FASTKD5: variants seen among roughly 807,000 people sequenced by gnomAD.
FASTKD5 encodes non-canonical pre-mRNAs endonuclease FASTKD5, mitochondrial.
FASTKD5 carries 30 observed loss-of-function variants against 44.0 expected under a neutral mutation model. That is an observed-to-expected ratio of 0.68 (90% CI 0.51 to 0.93). The LOEUF (loss-of-function observed/expected upper bound fraction) is 0.93, where lower values mean the gene tolerates loss of function less well. Ranked by LOEUF, FASTKD5 falls within the 40% of genes least tolerant of loss-of-function variation. The pLI, the probability that FASTKD5 is intolerant of heterozygous loss-of-function variation, is 0.00. For missense variants in FASTKD5, 868 were observed against 908.2 expected, an observed-to-expected ratio of 0.96 and a Z score of 0.57; for synonymous variants, 335 against 342.2, an observed-to-expected ratio of 0.98 and a Z score of 0.23.
In FASTKD5 at chr20:3,146,912, A is replaced by G; in HGVS notation, c.2159T>C (p.Met720Thr). ...GSRDLLGLHN[M>T]KRRQLARLGY... ...AAGCCGAGCCAGCTGCCGCCTCTTC[A>G]TATTGTGCAGTCCAAGGAGATCCCT... Residue 720 changes from methionine to threonine, a missense_variant, in exon 2 of 2, where the codon ATG (methionine) becomes ACG (threonine). By Grantham distance (81) the Met-to-Thr change is moderately conservative. Coordinates refer to ENST00000380266, the MANE Select transcript of FASTKD5 (RefSeq NM_021826.5). 1 of 1,614,184 alleles carries G rather than the reference A, an allele frequency of 6.2e-7. No individual in the cohort carries two copies. The highest frequency in any genetic ancestry group is 8.5e-7 in the Non-Finnish European group (1 of 1,180,020).
intron 1 of FASTKD5, among the ~76,000 whole-genome samples, chr20:3,158,561 C>T (rs1345972778): frequency 6.6e-6 from 1 of 152,166 alleles, no homozygotes; most frequent in Non-Finnish European, 1.5e-5. Context: ...GCACACTCCG[C>T]CTCCCGGGGT....
rs777877253 is a variant in FASTKD5, at chr20:3,147,233, A to T, written c.1838T>A (p.Val613Glu). The change falls in exon 2 of 2, where the codon GTA (valine) becomes GAA (glutamate). Residue 613 changes from valine (V) to glutamate (E), a missense_variant. Val to Glu is a moderately radical substitution (Grantham distance 121). Transcript: ENST00000380266. The stretch of plus-strand genomic sequence containing the variant: ...CACATGCTCAAGCCTTAATTTGGCT[A>T]CATTTTCAGCCGGCGTGGCTTCTCT... Reference protein sequence around the residue: ...FNREATPAENVAKLRLEHVGV... With the variant: ...FNREATPAENEAKLRLEHVGV... 2.5e-6 allele frequency: 4 copies of T among 1,614,224 alleles called. No homozygotes were observed. The South Asian group carries it at 4.4e-5, about 18-fold the overall frequency.
chr20:3,156,511 TG>T (rs2066687504), intron 1 of FASTKD5, among the ~76,000 whole-genome samples: 1 of 152,064 alleles, frequency 6.6e-6, no homozygotes, highest in East Asian at 1.9e-4. Flanking sequence ...ATACCTGATA[TG>T]ATTTCACAAA....
Position 3,146,879 on chromosome 20 carries a change from C to T in FASTKD5, c.2192G>A (p.Arg731His), listed in dbSNP as rs774827406. ...TTCCCAGTAGGATAACTCTACCACA[C>T]GGTAGCCAAGCCGAGCCAGCTGCCG... ...KRRQLARLGY[R>H]VVELSYWEWL... Residue 731 changes from arginine to histidine, a missense_variant, in exon 2 of 2, where the codon CGT becomes CAT. Physicochemically the swap from Arg to His is conservative, Grantham distance 29. Coordinates refer to ENST00000380266, the MANE Select transcript of FASTKD5 (RefSeq NM_021826.5). The T allele has an allele frequency of 7.4e-6, 12 of 1,614,060 alleles. No homozygotes were observed. The highest frequency in any genetic ancestry group is 1.6e-4 in the Middle Eastern group (1 of 6,082).
chr20:3,147,969 C>T lies in FASTKD5; in HGVS notation c.1102G>A (p.Val368Met), dbSNP rs149209962. Residue 368 changes from valine (V) to methionine (M), a missense_variant, in exon 2 of 2, where the codon GTG becomes ATG. By Grantham distance (21) the Val-to-Met change is conservative. Coordinates refer to ENST00000380266, the MANE Select transcript of FASTKD5 (RefSeq NM_021826.5). ...NIVKMFRFTH[V>M]DHINFMKQIG... ...TGCTTCATGAAATTGATGTGATCCA[C>T]GTGAGTGAAACGGAACATTTTAACA... is the stretch of plus-strand genomic sequence containing the variant. 53 of 1,614,178 alleles carry T rather than the reference C, an allele frequency of 3.3e-5. No homozygotes were observed. In the African/African-American group the frequency reaches 5.5e-4, roughly 17 times the overall value.
At chr20:3,156,013 T>A (rs1188572463) in intron 1 of FASTKD5, among the ~76,000 whole-genome samples, 1 of 151,846 alleles carries the variant, frequency 6.6e-6, no homozygotes, top group African/African-American at 2.4e-5. Context: ...AGAAGAACAG[T>A]AGGGAGAAAA....
At chr20:3,153,763 T>C (rs2066656395) in intron 1 of FASTKD5, among the ~76,000 whole-genome samples, 1 of 152,232 alleles carries the variant, frequency 6.6e-6, no homozygotes, top group Admixed American at 6.5e-5. Flanking sequence ...GAGTATCCCT[T>C]GTCCAAAATG....
Position 3,146,874 on chromosome 20 carries a change from C to A in FASTKD5, c.2197G>T (p.Val733Leu), listed in dbSNP as rs769077588. 2.5e-6 allele frequency: 4 copies of A among 1,614,210 alleles called. No homozygotes were observed. Among genetic ancestry groups the A allele is most frequent in the Admixed American group, 1.7e-5 (1 of 60,026 alleles). ...RQLARLGYRV[V>L]ELSYWEWLPL... ...AGCCATTCCCAGTAGGATAACTCTA[C>A]CACACGGTAGCCAAGCCGAGCCAGC... Residue 733 changes from valine (V) to leucine (L), a missense_variant, in exon 2 of 2, where the codon GTA becomes TTA. Coordinates refer to ENST00000380266, the MANE Select transcript of FASTKD5 (RefSeq NM_021826.5).
In FASTKD5 at chr20:3,149,914, G is replaced by A. The variant is rs972856494; in HGVS notation, c.-190-654C>T. Among the ~76,000 whole-genome samples the A allele has an allele frequency of 3.3e-5, 5 of 151,852 alleles. No individual in the cohort carries two copies. The highest frequency in any genetic ancestry group is 2.6e-4 in the Admixed American group (4 of 15,260). ...CACACCTGTAATCCCAGCTACTCAG[G>A]AGGCTGAGGCAGGAGAATCCCTTGA... is the stretch of plus-strand genomic sequence containing the variant. On this transcript the variant is annotated intron_variant, in intron 1 of 1. Transcript: ENST00000380266. The surrounding 1 kb of genome is among the most constrained non-coding windows in gnomAD (Gnocchi z 4.1).
chr20:3,151,650 A>G (rs2066626254), intron 1 of FASTKD5: 1 of 151,750 alleles, frequency 6.6e-6, no homozygotes, highest in African/African-American at 2.4e-5. Flanking sequence ...AATAAATTAA[A>G]AAAATAAAAA....
rs756650899 is a variant in FASTKD5 at position 3,147,382 on chromosome 20, G to A, written c.1689C>T (p.Val563=). The part of the protein sequence containing the change: ...MNSKPEFLET[V]FLLETMLGGP... ...CCCCCAGCATGGTCTCCAGTAAAAA[G>A]ACAGTTTCTAAGAATTCAGGCTTTG... is the stretch of plus-strand genomic sequence containing the variant. The change falls in exon 2 of 2, where the codon GTC becomes GTT. Residue 563 remains valine (V), a synonymous_variant. Transcript: ENST00000380266. 2 of 1,614,200 alleles carry A rather than the reference G, an allele frequency of 1.2e-6. No individual in the cohort carries two copies. The highest frequency in any genetic ancestry group is 1.7e-5 in the Admixed American group (1 of 60,022).
chr20:3,148,214 T>G lies in FASTKD5; in HGVS notation c.857A>C (p.Tyr286Ser). ...LSLSQLVHLI[Y>S]VIGENRQVSQ... Reference sequence around the variant, plus strand: ...TACCTGACGATTTTCACCTATAACATAAATTAAGTGAACTAGCTGAGACAA... The same window carrying G: ...TACCTGACGATTTTCACCTATAACAGAAATTAAGTGAACTAGCTGAGACAA... Residue 286 changes from tyrosine to serine, a missense_variant, in exon 2 of 2, where the codon TAT becomes TCT. Tyr to Ser is a moderately radical substitution (Grantham distance 144). Transcript: ENST00000380266. The G allele has an allele frequency of 6.2e-7, 1 of 1,613,980 alleles. No homozygotes were observed. The highest frequency in any genetic ancestry group is 8.5e-7 in the Non-Finnish European group (1 of 1,180,036).
At chr20:3,159,423 C>T (rs547967056) in intron 1 of FASTKD5, among the ~76,000 whole-genome samples, 2 of 152,208 alleles carry the variant, frequency 1.3e-5, no homozygotes, top group South Asian at 4.1e-4. Context: ...GCAGGCACAT[C>T]AAAGTGTGAT....
intron 1 of FASTKD5, among the ~76,000 whole-genome samples, chr20:3,155,586 T>C (rs977336508): frequency 6.6e-6 from 1 of 152,094 alleles, no homozygotes; most frequent in Admixed American, 6.5e-5. Context: ...CAAGCTCTAC[T>C]GAACTATTTG....
Position 3,149,602 on chromosome 20 carries a change from G to A in FASTKD5, c.-190-342C>T, listed in dbSNP as rs1371284244. 1.3e-5 allele frequency among the ~76,000 whole-genome samples: 2 copies of A among 152,308 alleles called. No individual in the cohort carries two copies. Among genetic ancestry groups the A allele is most frequent in the East Asian group, 3.9e-4 (2 of 5,190 alleles). On this transcript the variant is annotated intron_variant, in intron 1 of 1. Coordinates refer to ENST00000380266, the MANE Select transcript of FASTKD5 (RefSeq NM_021826.5). The surrounding 1 kb of genome is among the most constrained non-coding windows in gnomAD (Gnocchi z 4.1). The stretch of plus-strand genomic sequence containing the variant: ...GGCAGATTTCTAGAAAGAAGGCTGG[G>A]AACAAAAGTGAGCAACTCCTTCCAT...
chr20:3,159,042 G>C (rs2066718740), intron 1 of FASTKD5, among the ~76,000 whole-genome samples: 1 of 152,186 alleles, frequency 6.6e-6, no homozygotes, highest in African/African-American at 2.4e-5. Context: ...ACCCAAGACT[G>C]ATGAACACAG....
intron 1 of FASTKD5, among the ~76,000 whole-genome samples, chr20:3,155,857 CTACT>C (rs375972100): frequency 9.7e-4 from 147 of 152,284 alleles, no homozygotes; most frequent in African/African-American, 3.4e-3. Flanking sequence ...TAAACAGTGG[CTACT>C]TACTCTTTTC....
Position 3,146,980 on chromosome 20 carries a change from C to A in FASTKD5, c.2091G>T (p.Leu697=). The A allele has an allele frequency of 6.2e-7, 1 of 1,614,136 alleles. No individual in the cohort carries two copies. Among genetic ancestry groups the A allele is most frequent in the Non-Finnish European group, 8.5e-7 (1 of 1,180,026 alleles). Residue 697 remains leucine, a synonymous_variant, in exon 2 of 2, where the codon CTG becomes CTT. Coordinates refer to ENST00000380266, the MANE Select transcript of FASTKD5 (RefSeq NM_021826.5). ...GGTTCCTGTTTGTGAACTGAACAGC[C>A]AGCTTCATTCTTGGGGTCTGCATGC... ...AACMQTPRMK[L]AVQFTNRNQY...
intron 1 of FASTKD5, among the ~76,000 whole-genome samples, chr20:3,151,318 T>C (rs533936887): frequency 6.6e-6 from 1 of 152,360 alleles, no homozygotes; most frequent in African/African-American, 2.4e-5. Context: ...CAAGGTTTTT[T>C]CAGAACATAG....
Sources: allele counts gnomAD v4.1 joint callset (sites outside exome capture counted in the v4.1 genomes callset), GRCh38; gene constraint gnomAD v4.1.1; non-coding constraint Gnocchi (gnomAD v3.1); transcripts MANE v1.5; gene names NCBI Gene and HGNC (gene_info 2026-07-23, HGNC 2026-07-21).